ELMO1: variants seen among roughly 807,000 people sequenced by gnomAD.
The protein encoded by ELMO1 is engulfment and cell motility protein 1.
In ELMO1, 26 loss-of-function variants were observed where a neutral mutation model predicts 98.9. That is an observed-to-expected ratio of 0.26 (90% CI 0.19 to 0.36). The LOEUF (loss-of-function observed/expected upper bound fraction) is 0.36. Among genes scored for constraint, ELMO1 ranks in the 10% least tolerant of loss-of-function variants. The pLI is 1.00. For synonymous variants in ELMO1, 346 were observed against 346.0 expected (o/e 1.00, Z 0.00); for missense variants, 627 against 935.2 (o/e 0.67, Z 4.30).
At chr7:36,983,975 T>G (rs1008261182) in intron 16 of ELMO1, among the ~76,000 whole-genome samples, 15 of 152,306 alleles carry the variant, frequency 9.8e-5, no homozygotes, top group Admixed American at 9.1e-4. Flanking sequence ...ATTTTTTTTT[T>G]TTTTTTGTAA....
intron 18 of ELMO1, among the ~76,000 whole-genome samples, chr7:36,885,228 T>C (rs1804849254): frequency 6.6e-6 from 1 of 152,144 alleles, no homozygotes; most frequent in African/African-American, 2.4e-5. Flanking sequence ...AACTCATAAA[T>C]TTATAATCTA....
At chr7:36,961,302 C>T (rs10252657) in intron 16 of ELMO1, among the ~76,000 whole-genome samples, 3,052 of 152,096 alleles carry the variant, frequency 0.02, 112 homozygotes, top group African/African-American at 0.07. Flanking sequence ...CACCCACGCA[C>T]GGGGACACAG....
At chr7:37,404,857 C>T (rs68116381) in intron 1 of ELMO1, among the ~76,000 whole-genome samples, 35,369 of 152,056 alleles carry the variant, frequency 0.23, 4,350 homozygotes, top group East Asian at 0.42. Context: ...ACAAAATATC[C>T]AGTTTTTAAA....
intron 1 of ELMO1, among the ~76,000 whole-genome samples, chr7:37,415,107 C>T (rs10282309): frequency 0.17 from 25,492 of 152,190 alleles, 2,312 homozygotes; most frequent in South Asian, 0.26. Context: ...GGCAAGTAAG[C>T]TGATTCTTAG....
At chr7:37,243,384 T>G (rs1794848898) in intron 7 of ELMO1, among the ~76,000 whole-genome samples, 1 of 152,150 alleles carries the variant, frequency 6.6e-6, no homozygotes, top group Non-Finnish European at 1.5e-5. Context: ...TTTGGAGTAA[T>G]GAGTGTAAAC....
intron 4 of ELMO1, among the ~76,000 whole-genome samples, chr7:37,293,141 A>G (rs1583476704): frequency 1.9e-5 from 1 of 53,312 alleles, no homozygotes; most frequent in African/African-American, 4.3e-5. Context: ...CTGGGAGGTG[A>G]GGGGCGCCTC....
In ELMO1 at chr7:37,155,500, A is replaced by AT. The variant is rs1234399168; in HGVS notation, c.1087-22267_1087-22266insA. Among the ~76,000 whole-genome samples, 332 of 43,794 alleles carry AT rather than the reference A, an allele frequency of 7.6e-3. 1 individual carries two copies. Among genetic ancestry groups the AT allele is most frequent in the Non-Finnish European group, 0.022 (263 of 12,104 alleles). The allele number at this position is 43,794 out of a possible 152,430, so 28.7% of individuals were successfully genotyped here. A position where few individuals can be genotyped will look rare whatever the true frequency, so the allele number is the denominator to read the frequency against. On this transcript the variant is annotated intron_variant, in intron 13 of 21. Transcript: ENST00000310758. ...GCAAACGGAAAGCAAAAAAAAAAAA[A>AT]AAAAAAAAGCAGGTGTTGCAATCCT...
intron 4 of ELMO1, among the ~76,000 whole-genome samples, chr7:37,304,850 G>T (rs191555276): frequency 6.6e-6 from 1 of 152,130 alleles, no homozygotes; most frequent in South Asian, 2.1e-4. Flanking sequence ...TAAGTGGCTT[G>T]TTTTCACATA....
intron 13 of ELMO1, among the ~76,000 whole-genome samples, chr7:37,189,878 T>C (rs1181786282): frequency 6.6e-6 from 1 of 152,218 alleles, no homozygotes; most frequent in Non-Finnish European, 1.5e-5. Context: ...TACATTTTTA[T>C]CTAAAAAATG....
At chr7:37,352,575 T>C (rs545002015) in intron 1 of ELMO1, among the ~76,000 whole-genome samples, 21 of 152,322 alleles carry the variant, frequency 1.4e-4, no homozygotes, top group African/African-American at 4.3e-4. Context: ...TAGGACATAC[T>C]TTGAGACTAT....
intron 13 of ELMO1, among the ~76,000 whole-genome samples, chr7:37,170,612 T>A (rs1475332495): frequency 6.7e-6 from 1 of 148,690 alleles, no homozygotes; most frequent in East Asian, 2.0e-4. Flanking sequence ...CCTTCCTTGC[T>A]TGCTTTTTTT....
chr7:36,969,132 G>GTACC (rs1789699598), intron 16 of ELMO1, among the ~76,000 whole-genome samples: 1 of 151,982 alleles, frequency 6.6e-6, no homozygotes, highest in African/African-American at 2.4e-5. Flanking sequence ...AATTCAGTAT[G>GTACC]TACCTACCTA....
intron 14 of ELMO1, among the ~76,000 whole-genome samples, chr7:37,120,054 C>T (rs1191620551): frequency 6.6e-6 from 1 of 152,108 alleles, no homozygotes; most frequent in Non-Finnish European, 1.5e-5. Flanking sequence ...AAATTTTTTC[C>T]TGGAAACCTC....
chr7:37,229,552 C>A (rs1195891702), intron 8 of ELMO1, among the ~76,000 whole-genome samples: 4 of 151,952 alleles, frequency 2.6e-5, no homozygotes, highest in Non-Finnish European at 5.9e-5. Context: ...TAATAGGAAG[C>A]CAACTCTAGA....
At chr7:37,410,489 G>A (rs1178666421) in intron 1 of ELMO1, among the ~76,000 whole-genome samples, 1 of 152,132 alleles carries the variant, frequency 6.6e-6, no homozygotes, top group Non-Finnish European at 1.5e-5. Context: ...AGCAGGGACA[G>A]AGGGCCAGAT....
At chr7:37,429,590 A>T (rs1804848448) in intron 1 of ELMO1, 1 of 152,286 alleles carries the variant, frequency 6.6e-6, no homozygotes, top group South Asian at 2.1e-4. Flanking sequence ...GGATGCACAG[A>T]TGACTGGCTA....
intron 6 of ELMO1, among the ~76,000 whole-genome samples, chr7:37,248,718 G>C (rs1007394752): frequency 2.0e-5 from 3 of 152,254 alleles, no homozygotes; most frequent in Admixed American, 2.0e-4. Flanking sequence ...AGGAGGTAAA[G>C]TGCAAAACGT....
intron 4 of ELMO1, among the ~76,000 whole-genome samples, chr7:37,310,937 A>G (rs1430726378): frequency 1.3e-5 from 2 of 149,728 alleles, no homozygotes; most frequent in African/African-American, 4.8e-5. Context: ...GTGCTGTCTC[A>G]GTAGAATTCT....
rs1267389365 is a variant in ELMO1 at position 37,271,968 on chromosome 7, T to C, written c.193-86A>G. 9 of 1,118,458 alleles carry C rather than the reference T, an allele frequency of 8.0e-6. No individual in the cohort carries two copies. The East Asian group carries it at 1.9e-4, about 23-fold the overall frequency. The allele number at this position is 1,118,458 out of a possible 1,614,324, so 69.3% of individuals were successfully genotyped here. On this transcript the variant is annotated intron_variant, in intron 4 of 21. Coordinates refer to ENST00000310758, the MANE Select transcript of ELMO1 (RefSeq NM_014800.11). ...AAAGGCAAATATAATCTAGCAGATA[T>C]AACAGGCATTCAGTTTATTCTCACT...
Sources: gnomAD v4.1 joint callset for allele counts (sites outside exome capture counted in the v4.1 genomes callset) on GRCh38, gnomAD v4.1.1 for gene constraint, MANE v1.5 for transcripts, NCBI Gene and HGNC (gene_info 2026-07-23, HGNC 2026-07-21) for gene names.